Variants in RPS6KA3 observed in about 807,000 individuals in gnomAD.
The protein encoded by RPS6KA3 is ribosomal protein S6 kinase alpha-3.
RPS6KA3 carries 4 observed loss-of-function variants against 67.2 expected under a neutral mutation model. The observed-to-expected ratio is 0.06, with a 90% CI of 0.03 to 0.14. The LOEUF (loss-of-function observed/expected upper bound fraction) is 0.14. RPS6KA3 is among the 10% of genes least tolerant of loss of function. RPS6KA3 has a pLI of 1.00. For missense variants in RPS6KA3, 204 were observed against 559.0 expected, an observed-to-expected ratio of 0.36 and a Z score of 6.40; for synonymous variants, 182 against 183.7, an observed-to-expected ratio of 0.99 and a Z score of 0.07.
At chrX:20,205,524 C>T (rs762548240) in intron 3 of RPS6KA3, among the ~76,000 whole-genome samples, 10 of 112,166 alleles carry the variant, frequency 8.9e-5, no homozygotes, top group Non-Finnish European at 1.5e-4. Flanking sequence ...CCACAACTCG[C>T]GGAGAAACCC....
intron 1 of RPS6KA3, among the ~76,000 whole-genome samples, chrX:20,258,894 C>T (rs1021952502): frequency 8.9e-6 from 1 of 111,853 alleles, no homozygotes; most frequent in African/African-American, 3.2e-5. Flanking sequence ...CCAGGCAGGG[C>T]AGTAGGCTAG....
chrX:20,167,569 A>G lies in RPS6KA3; in HGVS notation c.1602+20T>C. ...GAAAAAAGTGTGTGTATGTACATATAGAGTGGTAAAAAGACTTACCCCTTG... is the reference window on the plus strand; with the variant it reads ...GAAAAAAGTGTGTGTATGTACATATGGAGTGGTAAAAAGACTTACCCCTTG... On this transcript the variant is annotated intron_variant, in intron 17 of 21. Transcript: ENST00000379565. The G allele has an allele frequency of 1.7e-6, 2 of 1,192,524 alleles. No individual in the cohort carries two copies. Among genetic ancestry groups the G allele is most frequent in the Non-Finnish European group, 2.3e-6 (2 of 877,843 alleles).
intron 10 of RPS6KA3, among the ~76,000 whole-genome samples, chrX:20,184,102 G>A (rs756388309): frequency 4.6e-4 from 51 of 111,565 alleles, no homozygotes; most frequent in Middle Eastern, 4.7e-3. Context: ...AGGCTGGAGT[G>A]CAGCGGCATG....
intron 3 of RPS6KA3, among the ~76,000 whole-genome samples, chrX:20,208,350 A>G (rs182262514): frequency 5.0e-4 from 56 of 111,089 alleles, no homozygotes; most frequent in East Asian, 2.6e-3. Context: ...GGAGTACAGA[A>G]GTGCCCCTGA....
chrX:20,169,352 T>A (rs1430115308), intron 16 of RPS6KA3, 50 bp downstream of exon 16: 2 of 799,979 alleles, frequency 2.5e-6, no homozygotes, highest in Admixed American at 4.4e-5. Flanking sequence ...CTACTTTCAA[T>A]GTGAGTTAGA....
chrX:20,159,704 T>G (rs1423690336), intron 20 of RPS6KA3, among the ~76,000 whole-genome samples: 1 of 112,052 alleles, frequency 8.9e-6, no homozygotes, highest in Non-Finnish European at 1.9e-5. Flanking sequence ...AAAAATCAAT[T>G]AATGTGTAAG....
chrX:20,214,410 C>T (rs1436548194), intron 2 of RPS6KA3, among the ~76,000 whole-genome samples: 1 of 112,303 alleles, frequency 8.9e-6, no homozygotes, highest in Non-Finnish European at 1.9e-5. Context: ...GGCTTAGTAC[C>T]AAATTCCAGA....
intron 1 of RPS6KA3, among the ~76,000 whole-genome samples, chrX:20,237,421 T>C (rs1395736481): frequency 8.9e-6 from 1 of 111,925 alleles, no homozygotes; most frequent in Non-Finnish European, 1.9e-5. Context: ...ATTTTTAATG[T>C]ATGCAAAGCA....
At chrX:20,206,362 T>C (rs751040156) in intron 3 of RPS6KA3, among the ~76,000 whole-genome samples, 2 of 112,345 alleles carry the variant, frequency 1.8e-5, no homozygotes, top group African/African-American at 3.2e-5. Context: ...AACTTAAATA[T>C]TGTGTTCCCT....
intron 20 of RPS6KA3, among the ~76,000 whole-genome samples, chrX:20,156,543 AT>A (rs2148625026): frequency 9.1e-6 from 1 of 110,302 alleles, no homozygotes; most frequent in East Asian, 2.8e-4. Flanking sequence ...TTGTAGGTTT[AT>A]TTATTTATTG....
chrX:20,193,279 TA>T (rs1260562093), intron 7 of RPS6KA3, among the ~76,000 whole-genome samples: 36 of 105,244 alleles, frequency 3.4e-4, no homozygotes, highest in Admixed American at 1.3e-3. Context: ...ACTCCATCTT[TA>T]AAAAAAAAAA....
chrX:20,165,233 C>CGG, intron 17 of RPS6KA3, among the ~76,000 whole-genome samples, 173 bp from the exon 18 acceptor site: 1 of 111,585 alleles, frequency 9.0e-6, no homozygotes, highest in South Asian at 3.7e-4. Context: ...TAACATAGAC[C>CGG]GGGGGCAAGG....
intron 1 of RPS6KA3, among the ~76,000 whole-genome samples, chrX:20,246,379 T>A (rs2069690823): frequency 9.0e-6 from 1 of 110,923 alleles, no homozygotes; most frequent in South Asian, 3.8e-4. Context: ...GCTCATCTTG[T>A]CAGGGGAAAC....
chrX:20,216,529 C>T (rs2068855094), intron 2 of RPS6KA3, among the ~76,000 whole-genome samples: 1 of 110,300 alleles, frequency 9.1e-6, no homozygotes, highest in Non-Finnish European at 1.9e-5. Context: ...ATGATAAATA[C>T]TATGAAGAAA....
chrX:20,158,365 C>CAAAAA (rs1209085517), intron 20 of RPS6KA3, among the ~76,000 whole-genome samples: 4 of 28,730 alleles, frequency 1.4e-4, no homozygotes, highest in Admixed American at 4.8e-4. Flanking sequence ...GACTCTATCT[C>CAAAAA]AAAAAAAAAA....
intron 2 of RPS6KA3, among the ~76,000 whole-genome samples, chrX:20,229,445 C>CT (rs2069204721): frequency 8.9e-6 from 1 of 111,812 alleles, no homozygotes; most frequent in Non-Finnish European, 1.9e-5. Flanking sequence ...AGATGAAACT[C>CT]TACCCCTGGT....
At chrX:20,185,527 C>T (rs923466331) in intron 10 of RPS6KA3, among the ~76,000 whole-genome samples, 1 of 111,284 alleles carries the variant, frequency 9.0e-6, no homozygotes, top group African/African-American at 3.3e-5. Context: ...GCTGGGACTA[C>T]AGGTGCTTAC....
intron 7 of RPS6KA3, among the ~76,000 whole-genome samples, chrX:20,190,215 A>G (rs969402770): frequency 8.9e-6 from 1 of 111,982 alleles, no homozygotes; most frequent in Non-Finnish European, 1.9e-5. Flanking sequence ...CACTCTCAAT[A>G]AACAACATTC....
intron 14 of RPS6KA3, 34 bp downstream of exon 14, chrX:20,175,130 T>C (rs777800519): frequency 2.6e-6 from 3 of 1,155,225 alleles, no homozygotes; most frequent in South Asian, 1.8e-5. Flanking sequence ...TCTTACAACA[T>C]TCCAAATCTA....
Sources: allele counts gnomAD v4.1 joint callset (sites outside exome capture counted in the v4.1 genomes callset), GRCh38; gene constraint gnomAD v4.1.1; transcripts MANE v1.5; gene names NCBI Gene and HGNC (gene_info 2026-07-23, HGNC 2026-07-21).